ISX: variants seen among roughly 807,000 people sequenced by gnomAD.
The protein encoded by ISX is intestine-specific homeobox.
Under a neutral mutation model 16.9 loss-of-function variants are expected in ISX, and 15 were observed. That is an observed-to-expected ratio of 0.89 (90% CI 0.59 to 1.36). The LOEUF (loss-of-function observed/expected upper bound fraction) is 1.36. ISX is among the 40% of genes most tolerant of loss of function. The pLI is 0.00. For synonymous variants in ISX, 125 were observed against 119.7 expected, an observed-to-expected ratio of 1.04 and a Z score of -0.29; for missense variants, 316 against 306.1, an observed-to-expected ratio of 1.03 and a Z score of -0.24.
intron 2 of ISX, among the ~76,000 whole-genome samples, chr22:35,068,102 C>T (rs191374431): frequency 3.0e-4 from 45 of 152,346 alleles, no homozygotes; most frequent in African/African-American, 1.1e-3. Context: ...TCCACTGCAG[C>T]CTCAGGTTTA....
At chr22:35,072,149 GC>G (rs1928869962) in intron 2 of ISX, among the ~76,000 whole-genome samples, 1 of 152,180 alleles carries the variant, frequency 6.6e-6, no homozygotes, top group Non-Finnish European at 1.5e-5. Context: ...TTAGTTCCTG[GC>G]ACCAGAGCTA....
chr22:35,077,673 G>A (rs1480075139), intron 2 of ISX, among the ~76,000 whole-genome samples: 1 of 152,084 alleles, frequency 6.6e-6, no homozygotes, highest in Non-Finnish European at 1.5e-5. Flanking sequence ...TCCTGAGAAT[G>A]TGTAGTTCAA....
At chr22:35,067,454 G>C (rs1243489317) in intron 2 of ISX, 138 bp downstream of exon 2, 8 of 644,742 alleles carry the variant, frequency 1.2e-5, no homozygotes, top group Middle Eastern at 2.9e-4. Context: ...CTCTGGGCTG[G>C]TTTCCTGATA....
At chr22:35,077,185 A>T (rs17778240) in intron 2 of ISX, among the ~76,000 whole-genome samples, 63,182 of 152,112 alleles carry the variant, frequency 0.42, 13,985 homozygotes, top group Non-Finnish European at 0.5. Flanking sequence ...GGCCAGGGCC[A>T]TCAATGAGCT....
intron 2 of ISX, among the ~76,000 whole-genome samples, chr22:35,070,427 AGAGG>A (rs1241852494): frequency 2.6e-5 from 4 of 152,230 alleles, no homozygotes; most frequent in Non-Finnish European, 5.9e-5. Flanking sequence ...GGGAAGAGAG[AGAGG>A]GAGACCATCT....
chr22:35,076,292 T>C (rs1165566656), intron 2 of ISX, among the ~76,000 whole-genome samples: 2 of 152,132 alleles, frequency 1.3e-5, no homozygotes, highest in Middle Eastern at 3.4e-3. Flanking sequence ...ATTTGGGGAA[T>C]CTGGAAATGG....
At chr22:35,070,492 C>T (rs361785) in intron 2 of ISX, among the ~76,000 whole-genome samples, 40,241 of 152,096 alleles carry the variant, frequency 0.26, 6,253 homozygotes, top group East Asian at 0.63. Flanking sequence ...AGGCCCCAGG[C>T]GAAAGGTGAT....
Position 35,083,906 on chromosome 22 carries a change from G to A in ISX, c.382-477G>A, listed in dbSNP as rs1032427808. 7.9e-5 allele frequency among the ~76,000 whole-genome samples: 12 copies of A among 152,352 alleles called. 1 individual carries two copies. The South Asian group carries it at 8.3e-4, about 11-fold the overall frequency. ...TGCAGGGAGCTGCCAATATTCAGCC[G>A]GCCAAGAGGCCCCAGGGGTTGAAAA... is the stretch of plus-strand genomic sequence containing the variant. On this transcript the variant is annotated intron_variant, in intron 3 of 4. Coordinates refer to ENST00000404699, the MANE Select transcript of ISX (RefSeq NM_001303508.2).
In ISX at chr22:35,085,755, T is replaced by G; in HGVS notation, c.*62T>G. On this transcript the variant is annotated 3_prime_UTR_variant, in exon 5 of 5. Transcript: ENST00000404699. ...TCTCCAGGTGAAGGCAGGTAGCAGA[T>G]GTGCCCTGGGCCTCTGGGGAAATCG... 1 of 1,606,544 alleles carries G rather than the reference T, an allele frequency of 6.2e-7. No homozygotes were observed. The highest frequency in any genetic ancestry group is 1.7e-4 in the Middle Eastern group (1 of 6,036).
intron 2 of ISX, among the ~76,000 whole-genome samples, chr22:35,067,994 G>A (rs957658111): frequency 1.3e-5 from 2 of 152,206 alleles, no homozygotes; most frequent in African/African-American, 2.4e-5. Flanking sequence ...CCGCACTGGG[G>A]CATTGGTGTG....
intron 4 of ISX, 114 bp downstream of exon 4, chr22:35,084,613 A>T: frequency 1.6e-6 from 1 of 628,672 alleles, no homozygotes; most frequent in Non-Finnish European, 2.7e-6. Flanking sequence ...AAAAAGTGCA[A>T]GGAAAATTAT....
At chr22:35,074,304 C>A (rs9622122) in intron 2 of ISX, among the ~76,000 whole-genome samples, 86,482 of 152,066 alleles carry the variant, frequency 0.57, 25,092 homozygotes, top group Middle Eastern at 0.65. Context: ...CTGAGACCAG[C>A]GGGTGTGGCT....
In ISX at chr22:35,066,173, G is replaced by A. The variant is rs1569109778; in HGVS notation, c.-626G>A. 1 of 152,316 alleles carries A rather than the reference G, an allele frequency of 6.6e-6. No homozygotes were observed. Among genetic ancestry groups the A allele is most frequent in the Non-Finnish European group, 1.5e-5 (1 of 68,134 alleles). The allele number at this position is 152,316 out of a possible 1,614,324, so 9.4% of individuals were successfully genotyped here. A position where few individuals can be genotyped will look rare whatever the true frequency, so the allele number is the denominator to read the frequency against. On this transcript the variant is annotated 5_prime_UTR_variant, in exon 1 of 5. Transcript: ENST00000404699. ...GTCAGCTCCCAGTCAGAGAGAAAGG[G>A]CCTCTTCAGTCTGTCTCAGGAGACT...
At chr22:35,070,428 G>A (rs1928818464) in intron 2 of ISX, among the ~76,000 whole-genome samples, 1 of 152,242 alleles carries the variant, frequency 6.6e-6, no homozygotes, top group South Asian at 2.1e-4. Flanking sequence ...GGAAGAGAGA[G>A]AGGGAGACCA....
rs878898266 is a variant in ISX at position 35,084,188 on chromosome 22, T to C, written c.382-195T>C. Among the ~76,000 whole-genome samples, 15 of 152,350 alleles carry C rather than the reference T, an allele frequency of 9.8e-5. 1 individual carries two copies. Among genetic ancestry groups the C allele is most frequent in the South Asian group, 6.2e-4 (3 of 4,828 alleles). Reference sequence around the variant, plus strand: ...ACTCATGCATGGCCCCCTGGCCCTGTAGGCATTGAAGGTGGAAACCCCGGT... The same window carrying C: ...ACTCATGCATGGCCCCCTGGCCCTGCAGGCATTGAAGGTGGAAACCCCGGT... On this transcript the variant is annotated intron_variant, in intron 3 of 4. Transcript: ENST00000404699.
chr22:35,078,881 G>A (rs1289221138), intron 2 of ISX, among the ~76,000 whole-genome samples: 1 of 152,212 alleles, frequency 6.6e-6, no homozygotes, highest in Non-Finnish European at 1.5e-5. Flanking sequence ...CCATCCCAGA[G>A]ACGGAGGATT....
At chr22:35,072,923 G>T (rs1206463862) in intron 2 of ISX, among the ~76,000 whole-genome samples, 1 of 152,192 alleles carries the variant, frequency 6.6e-6, no homozygotes, top group African/African-American at 2.4e-5. Flanking sequence ...TCGTCTGGAG[G>T]CTGGACTGGA....
At chr22:35,074,931 G>A (rs1310867582) in intron 2 of ISX, among the ~76,000 whole-genome samples, 1 of 152,128 alleles carries the variant, frequency 6.6e-6, no homozygotes, top group African/African-American at 2.4e-5. Context: ...AGCAAGGAAG[G>A]GAGTTAGAAA....
rs145772125 is a variant in ISX at position 35,073,478 on chromosome 22, G to C, written c.229+6162G>C. Reference sequence around the variant, plus strand: ...GGGATCCCTGAGTTGGTTTTTCCTAGGAGAATCTAATGCTGCCACTGATCT... The same window carrying C: ...GGGATCCCTGAGTTGGTTTTTCCTACGAGAATCTAATGCTGCCACTGATCT... On this transcript the variant is annotated intron_variant, in intron 2 of 4. Transcript: ENST00000404699. Among the ~76,000 whole-genome samples, 691 of 152,278 alleles carry C rather than the reference G, an allele frequency of 4.5e-3. 13 individuals are homozygous for C. The East Asian group carries it at 0.048, about 11-fold the overall frequency.
Sources: allele counts gnomAD v4.1 joint callset (sites outside exome capture counted in the v4.1 genomes callset), GRCh38; gene constraint gnomAD v4.1.1; transcripts MANE v1.5; gene names NCBI Gene and HGNC (gene_info 2026-07-23, HGNC 2026-07-21).